Variants in IGSF8 observed in about 807,000 individuals in gnomAD.
The protein encoded by IGSF8 is immunoglobulin superfamily member 8.
Under a neutral mutation model 55.5 loss-of-function variants are expected in IGSF8, and 46 were observed. The ratio of observed to expected loss-of-function variants is 0.83; its 90% CI spans 0.65 to 1.06. The LOEUF (loss-of-function observed/expected upper bound fraction) is 1.06, where lower values mean the gene tolerates loss of function less well. IGSF8 is among the 50% of genes least tolerant of loss of function. The pLI is 0.00. For missense variants in IGSF8, 731 were observed against 832.3 expected, an observed-to-expected ratio of 0.88 and a Z score of 1.50; for synonymous variants, 314 against 356.1, an observed-to-expected ratio of 0.88 and a Z score of 1.33.
intron 1 of IGSF8, 114 bp downstream of exon 1, chr1:160,098,279 CGCCGACCCCGGGGAGG>C: frequency 1.5e-6 from 2 of 1,354,846 alleles, no homozygotes; most frequent in Non-Finnish European, 2.0e-6. Flanking sequence ...CGCAGCTGGA[CGCCGACCCCGGGGAGG>C]CTGGAGGTAC....
intron 1 of IGSF8, among the ~76,000 whole-genome samples, 165 bp downstream of exon 1, chr1:160,098,244 A>G (rs1170672730): frequency 2.0e-5 from 3 of 152,190 alleles, no homozygotes; most frequent in Admixed American, 6.5e-5. Context: ...TCTTCCCAAG[A>G]CTGGCTCGGC....
intron 1 of IGSF8, chr1:160,098,043 C>T (rs1363393507): frequency 1.1e-6 from 1 of 930,226 alleles, no homozygotes; most frequent in African/African-American, 1.8e-5. Flanking sequence ...GTAGGGCGGG[C>T]ACCCAAGGCC....
intron 1 of IGSF8, chr1:160,097,786 CT>C (rs1353416317): frequency 2.0e-6 from 2 of 985,338 alleles, no homozygotes; most frequent in African/African-American, 3.5e-5. Context: ...GGCAAGGAAG[CT>C]GGAACTAAGC....
chr1:160,092,282 C>T lies in IGSF8; in HGVS notation c.1726G>A (p.Ala576Thr). ...GPVTVYPYMH[A>T]LDTLFVPLLV... Reference sequence around the variant, plus strand: ...GGAGGGTGGAGGGGGTGTCACTCACCATGCATGTAGGGGTAGACTGTAACA... The same window carrying T: ...GGAGGGTGGAGGGGGTGTCACTCACTATGCATGTAGGGGTAGACTGTAACA... Residue 576 changes from alanine to threonine, a missense_variant and splice_region_variant, in exon 5 of 7, where the codon GCC (alanine) becomes ACC (threonine). Coordinates refer to ENST00000314485, the MANE Select transcript of IGSF8 (RefSeq NM_052868.6). 2 of 1,613,618 alleles carry T rather than the reference C, an allele frequency of 1.2e-6. No individual in the cohort carries two copies. The highest frequency in any genetic ancestry group is 1.7e-6 in the Non-Finnish European group (2 of 1,179,576).
At chr1:160,098,134 A>C (rs1265122734) in intron 1 of IGSF8, among the ~76,000 whole-genome samples, 3 of 152,202 alleles carry the variant, frequency 2.0e-5, no homozygotes, top group African/African-American at 7.2e-5. Context: ...GCTAGCTGAG[A>C]TGTGTGGCCT....
chr1:160,098,367 C>G (rs1190456511), intron 1 of IGSF8, 42 bp downstream of exon 1: 1 of 1,552,924 alleles, frequency 6.4e-7, no homozygotes, highest in Non-Finnish European at 8.7e-7. Context: ...TGGCAGGCAC[C>G]TGCCCGGCAG....
At chr1:160,095,684 G>A (rs1557991840) in intron 1 of IGSF8, among the ~76,000 whole-genome samples, 1 of 152,230 alleles carries the variant, frequency 6.6e-6, no homozygotes, top group East Asian at 1.9e-4. Context: ...CTTTGCTTGA[G>A]GGGAGCTGGC....
Position 160,091,527 on chromosome 1 carries a change from A to T in IGSF8, c.*97T>A. Reference sequence around the variant, plus strand: ...GTGGGAGGTCAAATAAATTAAAGGAAGAGTGGACAGAGGGAGAGGGTGTCC... The same window carrying T: ...GTGGGAGGTCAAATAAATTAAAGGATGAGTGGACAGAGGGAGAGGGTGTCC... On this transcript the variant is annotated 3_prime_UTR_variant, in exon 7 of 7. Transcript: ENST00000314485. The T allele has an allele frequency of 2.6e-6, 1 of 384,264 alleles. No homozygotes were observed. 23.8% of individuals were successfully genotyped at this position (384,264 alleles called of 1,614,324 possible). A position where few individuals can be genotyped will look rare whatever the true frequency, so the allele number is the denominator to read the frequency against.
In IGSF8 at chr1:160,093,765, C is replaced by T; in HGVS notation, c.849G>A (p.Trp283Ter). ...AEWIQDPDGS[W>*]AQIAEKRAVL... ...CGGCCCTTTTCTCTGCAATCTGGGCCCAGCTGCCATCAGGATCCTGAATCC... is the reference window on the plus strand; with the variant it reads ...CGGCCCTTTTCTCTGCAATCTGGGCTCAGCTGCCATCAGGATCCTGAATCC... Residue 283 changes from tryptophan to a stop codon, truncating the protein, a stop_gained, in exon 3 of 7, where the codon TGG becomes TGA. Transcript: ENST00000314485. LOFTEE classifies it high-confidence loss of function. 6.2e-7 allele frequency: 1 copy of T among 1,613,826 alleles called. No individual in the cohort carries two copies. The highest frequency in any genetic ancestry group is 8.5e-7 in the Non-Finnish European group (1 of 1,179,840).
At position 160,094,954 on chromosome 1, in the gene IGSF8, G is replaced by A. The variant is rs1175597619; in HGVS notation, c.357C>T (p.Ala119=). 6.2e-7 allele frequency: 1 copy of A among 1,613,996 alleles called. No individual in the cohort carries two copies. Among genetic ancestry groups the A allele is most frequent in the South Asian group, 1.1e-5 (1 of 91,066 alleles). Reference sequence around the variant, plus strand: ...GGCACTCATAAATGCCGGCATCCTGGGCCTGCAGGCGGGCAATCTTGAGCA... The same window carrying A: ...GGCACTCATAAATGCCGGCATCCTGAGCCTGCAGGCGGGCAATCTTGAGCA... The part of the protein sequence containing the change: ...AVVLKIARLQ[A]QDAGIYECHT... The change falls in exon 2 of 7, where the codon GCC becomes GCT. Residue 119 remains alanine (A), a synonymous_variant. Coordinates refer to ENST00000314485, the MANE Select transcript of IGSF8 (RefSeq NM_052868.6). The surrounding 1 kb of genome is among the most constrained non-coding windows in gnomAD (Gnocchi z 4.0).
intron 1 of IGSF8, among the ~76,000 whole-genome samples, chr1:160,096,696 T>C (rs1418828193): frequency 6.6e-6 from 1 of 152,226 alleles, no homozygotes; most frequent in Non-Finnish European, 1.5e-5. Context: ...ACCATCCCCA[T>C]GCCCAGCTGT....
upstream of IGSF8, chr1:160,098,718 C>T (rs910608566): frequency 1.5e-5 from 7 of 470,988 alleles, no homozygotes; most frequent in African/African-American, 4.3e-5. Context: ...TTCCACCGCC[C>T]CGTCTAGGCC....
At position 160,093,060 on chromosome 1, in the gene IGSF8, C is replaced by G; in HGVS notation, c.1176G>C (p.Arg392=). ...CATCACCAGGCCTGGCAGCCTCTAG[C>G]CGTAGCCGGTATGTTCTGGATGCCA... ...EKVASRTYRL[R]LEAARPGDAG... Residue 392 remains arginine, a synonymous_variant, in exon 4 of 7, where the codon CGG becomes CGC. Coordinates refer to ENST00000314485, the MANE Select transcript of IGSF8 (RefSeq NM_052868.6). 6.2e-7 allele frequency: 1 copy of G among 1,614,176 alleles called. No homozygotes were observed. Among genetic ancestry groups the G allele is most frequent in the Non-Finnish European group, 8.5e-7 (1 of 1,179,994 alleles).
Position 160,091,611 on chromosome 1 carries a change from G to C in IGSF8, c.*16-3C>G. On this transcript the variant is annotated splice_region_variant and splice_polypyrimidine_tract_variant and intron_variant, in intron 6 of 6. Coordinates refer to ENST00000314485, the MANE Select transcript of IGSF8 (RefSeq NM_052868.6). ...AAGACAGTCGACACCTGCAAGACCT[G>C]AAAAGGGTGCCCGGTGTGGGCTAAG... The C allele has an allele frequency of 1.7e-6, 1 of 573,258 alleles. No homozygotes were observed. The allele number at this position is 573,258 out of a possible 1,614,324, so 35.5% of individuals were successfully genotyped here.
At chr1:160,093,361 T>C (rs115113928) in intron 3 of IGSF8, 30 bp from the exon 4 acceptor site, 1 of 1,553,086 alleles carries the variant, frequency 6.4e-7, no homozygotes, top group African/African-American at 1.4e-5. Flanking sequence ...AGAGGTGTCA[T>C]GGAGGCAGGA....
intron 3 of IGSF8, among the ~76,000 whole-genome samples, 176 bp downstream of exon 3, chr1:160,093,534 A>C (rs1650169817): frequency 1.3e-5 from 2 of 152,058 alleles, no homozygotes; most frequent in African/African-American, 4.8e-5. Flanking sequence ...CCAATTTCTG[A>C]GCAGAGAAAA....
rs1431092109 is a variant in IGSF8 at position 160,091,501 on chromosome 1, AG to A, written c.*122del. The stretch of plus-strand genomic sequence containing the variant: ...GGGAGGCACGTCTCCCATTCTGGGT[AG>A]TGGGAGGTCAAATAAATTAAAGGAA... On this transcript the variant is annotated 3_prime_UTR_variant, in exon 7 of 7. Coordinates refer to ENST00000314485, the MANE Select transcript of IGSF8 (RefSeq NM_052868.6). 6.5e-6 allele frequency: 2 copies of A among 309,410 alleles called. No individual in the cohort carries two copies. Among genetic ancestry groups the A allele is most frequent in the Non-Finnish European group, 1.2e-5 (2 of 162,426 alleles). The allele number at this position is 309,410 out of a possible 1,614,324, so 19.2% of individuals were successfully genotyped here.
intron 1 of IGSF8, chr1:160,098,081 A>G (rs376874408): frequency 1.5e-6 from 1 of 672,756 alleles, no homozygotes; most frequent in South Asian, 6.6e-5. Context: ...TGGGGCAGAA[A>G]GGAGTCGCAG....
In IGSF8 at chr1:160,093,050, C is replaced by A; in HGVS notation, c.1186G>T (p.Ala396Ser). The stretch of plus-strand genomic sequence containing the variant: ...TAGGTGCCCGCATCACCAGGCCTGG[C>A]AGCCTCTAGCCGTAGCCGGTATGTT... ...SRTYRLRLEA[A>S]RPGDAGTYRC... The change falls in exon 4 of 7, where the codon GCC becomes TCC. Residue 396 changes from alanine (A) to serine (S), a missense_variant. Ala to Ser is a moderately conservative substitution (Grantham distance 99, BLOSUM62 1). Transcript: ENST00000314485. 6.2e-7 allele frequency: 1 copy of A among 1,614,058 alleles called. No individual in the cohort carries two copies. Among genetic ancestry groups the A allele is most frequent in the South Asian group, 1.1e-5 (1 of 91,084 alleles).
Sources: gnomAD v4.1 joint callset for allele counts (sites outside exome capture counted in the v4.1 genomes callset) on GRCh38, gnomAD v4.1.1 for gene constraint, Gnocchi (gnomAD v3.1) non-coding constraint, MANE v1.5 for transcripts, NCBI Gene and HGNC (gene_info 2026-07-23, HGNC 2026-07-21) for gene names.